Variants in DMD observed in about 807,000 individuals in gnomAD.
DMD encodes the protein dystrophin, also known as mutant dystrophin.
DMD carries 63 observed loss-of-function variants against 330.1 expected under a neutral mutation model. The observed-to-expected ratio is 0.19, with a 90% CI of 0.16 to 0.24. The LOEUF is 0.24. DMD is among the 10% of genes least tolerant of loss of function. The pLI is 1.00. For synonymous variants in DMD, 1,223 were observed against 959.8 expected (o/e 1.27, Z -5.07); for missense variants, 3,344 against 2,684.1 (o/e 1.25, Z -5.43).
intron 1 of DMD, among the ~76,000 whole-genome samples, chrX:33,054,643 C>T (rs1044511613): frequency 4.5e-5 from 5 of 111,986 alleles, no homozygotes; most frequent in Admixed American, 3.8e-4. Context: ...GGGAAGATGA[C>T]ACAATCGAAT....
chrX:33,289,927 C>T (rs926490635), intron 1 of DMD, among the ~76,000 whole-genome samples: 3 of 111,558 alleles, frequency 2.7e-5, no homozygotes, highest in South Asian at 3.7e-4. Context: ...TTTAAATGAG[C>T]GCATATATTC....
At position 32,407,205 on chromosome X, in the gene DMD, A is replaced by T. The variant is rs1422035666; in HGVS notation, c.4233+4547T>A. On this transcript the variant is annotated intron_variant, in intron 30 of 78. Coordinates refer to ENST00000357033, the MANE Select transcript of DMD (RefSeq NM_004006.3). ...GAACAGGCAACCTACAGAATGGGAG[A>T]AGATTTTCGCAACCTACTCCTCTGA... Among the ~76,000 whole-genome samples, 5 of 111,490 alleles carry T rather than the reference A, an allele frequency of 4.5e-5. No individual in the cohort carries two copies. The East Asian group carries it at 1.1e-3, about 25-fold the overall frequency.
intron 4 of DMD, among the ~76,000 whole-genome samples, chrX:32,835,771 C>T (rs1342752890): frequency 5.4e-5 from 6 of 111,268 alleles, no homozygotes; most frequent in African/African-American, 2.0e-4. Flanking sequence ...GGCAGAGGGA[C>T]AGGCTAAAAT....
At chrX:31,566,663 A>G (rs951721195) in intron 55 of DMD, among the ~76,000 whole-genome samples, 1 of 111,817 alleles carries the variant, frequency 8.9e-6, no homozygotes, top group Non-Finnish European at 1.9e-5. Flanking sequence ...TAGAAACTAA[A>G]TTAAACCTTT....
chrX:33,227,764 C>T (rs1187828341), intron 1 of DMD, among the ~76,000 whole-genome samples: 23 of 109,330 alleles, frequency 2.1e-4, no homozygotes, highest in African/African-American at 7.3e-4. Context: ...GTTTTGAATA[C>T]CTCACTACAG....
At chrX:31,368,242 T>C (rs2059363639) in intron 60 of DMD, among the ~76,000 whole-genome samples, 1 of 112,551 alleles carries the variant, frequency 8.9e-6, no homozygotes, top group African/African-American at 3.2e-5. Flanking sequence ...GCACAGTGTT[T>C]ATTGAGCTTA....
chrX:31,233,292 A>T, intron 63 of DMD, among the ~76,000 whole-genome samples: 1 of 111,521 alleles, frequency 9.0e-6, no homozygotes, highest in Admixed American at 9.5e-5. Context: ...AATTTACCCC[A>T]ATCTCCTTCA....
chrX:32,874,619 C>T (rs901576376), intron 2 of DMD, among the ~76,000 whole-genome samples: 1 of 111,762 alleles, frequency 8.9e-6, no homozygotes, highest in Admixed American at 9.5e-5. Flanking sequence ...CTTCTTTCAT[C>T]AAGAGGCAGC....
At chrX:31,262,438 C>T (rs1603256708) in intron 62 of DMD, among the ~76,000 whole-genome samples, 1 of 111,777 alleles carries the variant, frequency 8.9e-6, no homozygotes, top group African/African-American at 3.3e-5. Context: ...AATCATAAAC[C>T]TCATAAAGAC....
At chrX:32,412,866 T>C (rs2098149244) in intron 29 of DMD, among the ~76,000 whole-genome samples, 1 of 111,515 alleles carries the variant, frequency 9.0e-6, no homozygotes, top group Non-Finnish European at 1.9e-5. Context: ...GAATATTAGA[T>C]ATTACATAAA....
chrX:31,529,339 C>A (rs779709601), intron 55 of DMD, among the ~76,000 whole-genome samples: 1 of 110,753 alleles, frequency 9.0e-6, no homozygotes, highest in African/African-American at 3.3e-5. Flanking sequence ...GAGCTATGAT[C>A]ATGCCACTCC....
intron 50 of DMD, among the ~76,000 whole-genome samples, chrX:31,779,685 TTGTGTGTG>T (rs34110475): frequency 7.2e-4 from 72 of 100,151 alleles, no homozygotes; most frequent in Admixed American, 1.8e-3. Context: ...GATACACACA[TTGTGTGTG>T]TGTGTGTGTG....
intron 61 of DMD, among the ~76,000 whole-genome samples, chrX:31,344,387 A>C (rs1020419573): frequency 1.2e-4 from 13 of 111,931 alleles, no homozygotes; most frequent in African/African-American, 4.2e-4. Flanking sequence ...GCAATTTAGA[A>C]TTGTGTTGGT....
chrX:32,949,965 CA>C (rs201823049), intron 2 of DMD, among the ~76,000 whole-genome samples: 27,788 of 73,239 alleles, frequency 0.38, 4,261 homozygotes, highest in Non-Finnish European at 0.43. Flanking sequence ...GGTGCAGAGG[CA>C]AAAAAAAAAA....
intron 6 of DMD, among the ~76,000 whole-genome samples, chrX:32,811,025 C>A (rs936734900): frequency 2.7e-5 from 3 of 110,012 alleles, no homozygotes; most frequent in African/African-American, 9.9e-5. Context: ...TCTTCCCTGC[C>A]CAAGCCCTAT....
chrX:32,104,932 A>C (rs1332687245), intron 44 of DMD, among the ~76,000 whole-genome samples: 1 of 112,039 alleles, frequency 8.9e-6, no homozygotes, highest in Admixed American at 9.5e-5. Flanking sequence ...CAACTATCAA[A>C]ACTGCATTTC....
At chrX:32,632,948 G>C (rs1014161804) in intron 11 of DMD, among the ~76,000 whole-genome samples, 2 of 112,150 alleles carry the variant, frequency 1.8e-5, no homozygotes, top group African/African-American at 6.5e-5. Flanking sequence ...AATTTTTCTA[G>C]CAAGTGGTTG....
chrX:31,897,390 C>T (rs1362255222), intron 47 of DMD, among the ~76,000 whole-genome samples: 2 of 106,196 alleles, frequency 1.9e-5, no homozygotes, highest in Admixed American at 1.0e-4. Flanking sequence ...CATACGTGTG[C>T]ATGTGTCTTT....
intron 7 of DMD, among the ~76,000 whole-genome samples, chrX:32,739,612 A>G (rs1022501112): frequency 8.9e-6 from 1 of 112,197 alleles, no homozygotes; most frequent in African/African-American, 3.2e-5. Flanking sequence ...GAAATTATTA[A>G]CAGACCAGTG....
Sources: gnomAD v4.1 joint callset for allele counts (sites outside exome capture counted in the v4.1 genomes callset) on GRCh38, gnomAD v4.1.1 for gene constraint, MANE v1.5 for transcripts, NCBI Gene and HGNC (gene_info 2026-07-23, HGNC 2026-07-21) for gene names.